The following KCNH8 variants were observed in gnomAD, a reference collection of about 807,000 sequenced individuals.
The protein encoded by KCNH8 is potassium voltage-gated channel subfamily H member 8.
Under a neutral mutation model 103.6 loss-of-function variants are expected in KCNH8, and 70 were observed. That is an observed-to-expected ratio of 0.68 (90% confidence interval 0.56 to 0.82). KCNH8 has a LOEUF of 0.82. KCNH8 is among the 40% of genes least tolerant of loss of function. The pLI, the probability that KCNH8 is intolerant of heterozygous loss-of-function variation, is 0.00. For synonymous variants in KCNH8, 498 were observed against 489.4 expected (o/e 1.02, Z -0.23); for missense variants, 1,217 against 1,329.9 (o/e 0.92, Z 1.32).
At chr3:19,196,166 C>T (rs1349198673) in intron 1 of KCNH8, among the ~76,000 whole-genome samples, 1 of 152,016 alleles carries the variant, frequency 6.6e-6, no homozygotes, top group Non-Finnish European at 1.5e-5. Flanking sequence ...TCAAGCCTCT[C>T]CTTTGTTCAG....
At chr3:19,213,827 G>A (rs941549333) in intron 1 of KCNH8, among the ~76,000 whole-genome samples, 12 of 152,270 alleles carry the variant, frequency 7.9e-5, no homozygotes, top group Admixed American at 2.6e-4. Flanking sequence ...AATGGTCCTG[G>A]TATTGGCCAT....
chr3:19,294,973 A>G (rs1428253754), intron 3 of KCNH8, among the ~76,000 whole-genome samples: 2 of 152,164 alleles, frequency 1.3e-5, no homozygotes, highest in African/African-American at 4.8e-5. Flanking sequence ...TTTTTATACA[A>G]TATATTTCTA....
At chr3:19,500,138 C>A (rs2068544477) in intron 11 of KCNH8, among the ~76,000 whole-genome samples, 1 of 152,140 alleles carries the variant, frequency 6.6e-6, no homozygotes, top group African/African-American at 2.4e-5. Context: ...GGGTTGCAAT[C>A]CTAGTCTCTG....
chr3:19,498,578 C>G (rs1177805954), intron 11 of KCNH8, among the ~76,000 whole-genome samples: 2 of 152,178 alleles, frequency 1.3e-5, no homozygotes, highest in Non-Finnish European at 2.9e-5. Flanking sequence ...CTTCTCTCAA[C>G]TCGTCAAAGT....
intron 14 of KCNH8, 29 bp from the exon 15 acceptor site, chr3:19,517,968 GA>G: frequency 1.5e-5 from 24 of 1,566,778 alleles, no homozygotes; most frequent in Non-Finnish European, 2.0e-5. Flanking sequence ...ATTCCTAAAG[GA>G]CTCATTCTGT....
intron 11 of KCNH8, among the ~76,000 whole-genome samples, chr3:19,473,404 C>T (rs1292370035): frequency 6.6e-6 from 1 of 152,166 alleles, no homozygotes; most frequent in Non-Finnish European, 1.5e-5. Context: ...GACTTGCCTG[C>T]TCCCCTTGTA....
At chr3:19,169,338 A>C (rs1463339015) in intron 1 of KCNH8, among the ~76,000 whole-genome samples, 1 of 145,386 alleles carries the variant, frequency 6.9e-6, no homozygotes. Flanking sequence ...GGCTCACTGC[A>C]AGCTCCGCCT....
chr3:19,446,268 G>T (rs933684630), intron 8 of KCNH8, among the ~76,000 whole-genome samples: 4 of 151,962 alleles, frequency 2.6e-5, no homozygotes, highest in Non-Finnish European at 2.9e-5. Flanking sequence ...AGAGTCATCA[G>T]CACAGCCTTG....
At chr3:19,501,181 A>C (rs977387144) in intron 11 of KCNH8, among the ~76,000 whole-genome samples, 1 of 152,268 alleles carries the variant, frequency 6.6e-6, no homozygotes, top group African/African-American at 2.4e-5. Flanking sequence ...ATCTAGAAAA[A>C]ATGGATAAAT....
At chr3:19,289,506 T>C (rs957686549) in intron 3 of KCNH8, among the ~76,000 whole-genome samples, 1 of 152,220 alleles carries the variant, frequency 6.6e-6, no homozygotes, top group African/African-American at 2.4e-5. Context: ...TTCTTGTTTT[T>C]GTTAGGTTTG....
At chr3:19,461,295 A>G (rs2067623327) in intron 11 of KCNH8, among the ~76,000 whole-genome samples, 1 of 152,138 alleles carries the variant, frequency 6.6e-6, no homozygotes, top group Admixed American at 6.6e-5. Context: ...AGGGGATACT[A>G]TGCCCTCTAA....
chr3:19,358,507 A>C (rs2065909536), intron 5 of KCNH8, among the ~76,000 whole-genome samples: 1 of 151,972 alleles, frequency 6.6e-6, no homozygotes, highest in Non-Finnish European at 1.5e-5. Context: ...CCAAGATAAA[A>C]CAAAATTTGA....
At chr3:19,348,494 A>T (rs1289305002) in intron 5 of KCNH8, among the ~76,000 whole-genome samples, 1 of 152,130 alleles carries the variant, frequency 6.6e-6, no homozygotes, top group South Asian at 2.1e-4. Context: ...GCCCCAAAGG[A>T]TGTTTGTTAA....
intron 11 of KCNH8, among the ~76,000 whole-genome samples, chr3:19,461,286 G>A (rs963788410): frequency 2.6e-5 from 4 of 152,080 alleles, no homozygotes; most frequent in African/African-American, 9.7e-5. Context: ...TGAGAGTCTA[G>A]GGGATACTAT....
intron 1 of KCNH8, among the ~76,000 whole-genome samples, chr3:19,163,071 C>T (rs969505603): frequency 1.3e-5 from 2 of 151,194 alleles, no homozygotes; most frequent in African/African-American, 4.9e-5. Flanking sequence ...ATGAAGTGCA[C>T]CTTTGAGGAA....
intron 2 of KCNH8, among the ~76,000 whole-genome samples, chr3:19,260,992 A>C (rs1359123539): frequency 7.0e-6 from 1 of 143,126 alleles, no homozygotes; most frequent in African/African-American, 2.6e-5. Context: ...ATATATATAT[A>C]TCAGTTTATT....
chr3:19,303,686 A>G (rs998507313), intron 3 of KCNH8, among the ~76,000 whole-genome samples: 6 of 152,136 alleles, frequency 3.9e-5, no homozygotes, highest in African/African-American at 1.4e-4. Flanking sequence ...AGCAGTGCTA[A>G]GCAGAAGTCA....
chr3:19,444,852 A>G (rs367644932), intron 8 of KCNH8, among the ~76,000 whole-genome samples: 1 of 151,988 alleles, frequency 6.6e-6, no homozygotes, highest in African/African-American at 2.4e-5. Context: ...TAAGTGTTTG[A>G]GAGGATAATG....
intron 3 of KCNH8, among the ~76,000 whole-genome samples, chr3:19,324,703 A>G (rs543642866): frequency 6.6e-6 from 1 of 152,334 alleles, no homozygotes. Context: ...ACAATTGGAA[A>G]AACATTCCAT....
Sources: allele counts gnomAD v4.1 joint callset (sites outside exome capture counted in the v4.1 genomes callset), GRCh38; gene constraint gnomAD v4.1.1; transcripts MANE v1.5; gene names NCBI Gene and HGNC (gene_info 2026-07-23, HGNC 2026-07-21).